The following NEGR1 variants were observed in gnomAD, a reference collection of about 807,000 sequenced individuals.
NEGR1 encodes the protein IgLON family member 4.
Under a neutral mutation model 40.9 loss-of-function variants are expected in NEGR1, and 10 were observed. The ratio of observed to expected loss-of-function variants is 0.24; its 90% confidence interval spans 0.15 to 0.42. The LOEUF is 0.42. Ranked by LOEUF, NEGR1 falls within the 10% of genes least tolerant of loss-of-function variation. The probability of loss-of-function intolerance (pLI) is 1.00; values close to 1 mark genes in which losing one functional copy is unlikely to be tolerated. For synonymous variants in NEGR1, 185 were observed against 166.8 expected, an observed-to-expected ratio of 1.11 and a Z score of -0.84; for missense variants, 352 against 438.9, an observed-to-expected ratio of 0.80 and a Z score of 1.77.
chr1:71,435,118 A>AACAAAC (rs1285764340), intron 6 of NEGR1, among the ~76,000 whole-genome samples: 4 of 149,356 alleles, frequency 2.7e-5, no homozygotes, highest in African/African-American at 7.4e-5. Flanking sequence ...AACAAAAAAA[A>AACAAAC]AAAAAAAAGA....
intron 2 of NEGR1, among the ~76,000 whole-genome samples, chr1:71,932,102 T>G (rs1645860674): frequency 6.6e-6 from 1 of 152,086 alleles, no homozygotes; most frequent in Admixed American, 6.6e-5. Flanking sequence ...TCAGCTCCAT[T>G]GGATAAAGAA....
chr1:71,850,090 T>TTG (rs34916819), intron 2 of NEGR1, among the ~76,000 whole-genome samples: 52,099 of 150,430 alleles, frequency 0.35, 9,229 homozygotes, highest in East Asian at 0.61. Context: ...TTACATACCA[T>TTG]TGTGTGTGTG....
At chr1:71,977,324 TCAAAAAAAACAAAA>T (rs1646314028) in intron 1 of NEGR1, among the ~76,000 whole-genome samples, 1 of 100,714 alleles carries the variant, frequency 9.9e-6, no homozygotes, top group South Asian at 3.5e-4. Flanking sequence ...AGACTCCATC[TCAAAAAAAACAAAA>T]CAAAACAAAA....
At chr1:71,641,372 G>A (rs1302642134) in intron 4 of NEGR1, among the ~76,000 whole-genome samples, 1 of 152,034 alleles carries the variant, frequency 6.6e-6, no homozygotes, top group African/African-American at 2.4e-5. Flanking sequence ...AAAAAAGAAT[G>A]AAGTTTCTAT....
intron 3 of NEGR1, among the ~76,000 whole-genome samples, chr1:71,699,611 A>C (rs1653613558): frequency 6.6e-6 from 1 of 151,906 alleles, no homozygotes; most frequent in South Asian, 2.1e-4. Context: ...AATTATAAAG[A>C]GTAAGGATGG....
At chr1:71,854,469 TA>T (rs1553169893) in intron 2 of NEGR1, among the ~76,000 whole-genome samples, 2 of 152,038 alleles carry the variant, frequency 1.3e-5, no homozygotes, top group East Asian at 3.9e-4. Flanking sequence ...AGATATTTTT[TA>T]AAAAAACAGA....
intron 1 of NEGR1, among the ~76,000 whole-genome samples, chr1:72,210,249 C>A (rs775681394): frequency 6.6e-6 from 1 of 151,730 alleles, no homozygotes; most frequent in Non-Finnish European, 1.5e-5. Flanking sequence ...GTGGATAAAA[C>A]GTCAGGAATT....
At chr1:71,566,370 A>T (rs1341433026) in intron 6 of NEGR1, among the ~76,000 whole-genome samples, 1 of 151,936 alleles carries the variant, frequency 6.6e-6, no homozygotes, top group Non-Finnish European at 1.5e-5. Context: ...AAGTAAACTG[A>T]GGCACAGAGA....
chr1:71,612,747 T>C (rs1485808110), intron 4 of NEGR1, among the ~76,000 whole-genome samples: 1 of 152,118 alleles, frequency 6.6e-6, no homozygotes, highest in Non-Finnish European at 1.5e-5. Flanking sequence ...AATGAGTGAG[T>C]TAGCTATGTG....
At chr1:71,828,962 A>G (rs1261530139) in intron 2 of NEGR1, among the ~76,000 whole-genome samples, 2 of 151,934 alleles carry the variant, frequency 1.3e-5, no homozygotes, top group Non-Finnish European at 2.9e-5. Context: ...TTTCCCAGGG[A>G]AAAAAGAGGA....
chr1:71,482,351 A>G (rs1191759984), intron 6 of NEGR1, among the ~76,000 whole-genome samples: 1 of 151,862 alleles, frequency 6.6e-6, no homozygotes, highest in Non-Finnish European at 1.5e-5. Flanking sequence ...AGGCAAAAAA[A>G]GCACCTGCCA....
At chr1:72,259,034 C>A (rs1034105289) in intron 1 of NEGR1, among the ~76,000 whole-genome samples, 1 of 152,032 alleles carries the variant, frequency 6.6e-6, no homozygotes, top group Non-Finnish European at 1.5e-5. Context: ...GACTTCCAAG[C>A]CTTTTACTCT....
intron 1 of NEGR1, among the ~76,000 whole-genome samples, chr1:72,015,514 A>C (rs1229254639): frequency 6.6e-6 from 1 of 152,044 alleles, no homozygotes; most frequent in East Asian, 1.9e-4. Context: ...GACCATTATT[A>C]TTCTTCAAGG....
intron 2 of NEGR1, among the ~76,000 whole-genome samples, chr1:71,864,950 G>T (rs1660069448): frequency 6.6e-6 from 1 of 152,128 alleles, no homozygotes; most frequent in African/African-American, 2.4e-5. Flanking sequence ...AGAAGAAAGG[G>T]AATGTATAGG....
At chr1:71,966,655 A>T (rs1311026444) in intron 1 of NEGR1, among the ~76,000 whole-genome samples, 1 of 152,186 alleles carries the variant, frequency 6.6e-6, no homozygotes, top group Non-Finnish European at 1.5e-5. Context: ...TGAAGTGCAT[A>T]GAAGATCTCA....
chr1:72,224,524 A>C (rs753571489), intron 1 of NEGR1, among the ~76,000 whole-genome samples: 30 of 152,110 alleles, frequency 2.0e-4, no homozygotes, highest in Non-Finnish European at 3.5e-4. Flanking sequence ...TGTAATTCTC[A>C]TAACTTCCCC....
At chr1:72,047,059 T>C (rs1404686812) in intron 1 of NEGR1, among the ~76,000 whole-genome samples, 5 of 151,468 alleles carry the variant, frequency 3.3e-5, no homozygotes, top group Non-Finnish European at 7.4e-5. Flanking sequence ...AAAAAACCTT[T>C]AGATTCTTAC....
intron 1 of NEGR1, among the ~76,000 whole-genome samples, chr1:71,983,716 G>T (rs1408418266): frequency 6.6e-6 from 1 of 152,160 alleles, no homozygotes; most frequent in Non-Finnish European, 1.5e-5. Flanking sequence ...CTCACAAATA[G>T]AGATTGGACA....
At chr1:71,805,224 CCCCATCCTG>C (rs1463114826) in intron 2 of NEGR1, among the ~76,000 whole-genome samples, 2 of 152,110 alleles carry the variant, frequency 1.3e-5, no homozygotes, top group Admixed American at 6.6e-5. Context: ...TTTAATTTCG[CCCCATCCTG>C]TGGTCCTGTG....
Sources: allele counts gnomAD v4.1 joint callset (sites outside exome capture counted in the v4.1 genomes callset), GRCh38; gene constraint gnomAD v4.1.1; transcripts MANE v1.5; gene names NCBI Gene and HGNC (gene_info 2026-07-23, HGNC 2026-07-21).